Variants in MDM1 observed in about 807,000 individuals in gnomAD.
The protein encoded by MDM1 is stabilizer of axonemal microtubules 6, also known as Mdm1 nuclear protein.
MDM1 carries 61 observed loss-of-function variants against 89.1 expected under a neutral mutation model. The observed-to-expected ratio is 0.68, with a 90% CI of 0.56 to 0.85. The LOEUF (loss-of-function observed/expected upper bound fraction) is 0.85. Ranked by LOEUF, MDM1 falls within the 40% of genes least tolerant of loss-of-function variation. The pLI is 0.00. For missense variants in MDM1, 820 were observed against 846.5 expected (o/e 0.97, Z 0.39); for synonymous variants, 290 against 294.1 (o/e 0.99, Z 0.14).
At position 68,295,245 on chromosome 12, in the gene MDM1, C is replaced by T; in HGVS notation, c.*9G>A. ...AATGTTTCCTTAGATAAAGGCAACT[C>T]AGCTAGGTTTATGTTTTACCCCAGA... On this transcript the variant is annotated 3_prime_UTR_variant, in exon 15 of 15. Coordinates refer to ENST00000682720, the MANE Select transcript of MDM1 (RefSeq NM_001354969.2). The T allele has an allele frequency of 6.3e-7, 1 of 1,589,050 alleles. No homozygotes were observed. The highest frequency in any genetic ancestry group is 8.6e-7 in the Non-Finnish European group (1 of 1,161,768).
At position 68,294,836 on chromosome 12, in the gene MDM1, A is replaced by G. The variant is rs1473408429; in HGVS notation, c.*418T>C. 1 of 153,018 alleles carries G rather than the reference A, an allele frequency of 6.5e-6. No individual in the cohort carries two copies. The highest frequency in any genetic ancestry group is 2.4e-5 in the African/African-American group (1 of 41,486). 9.5% of individuals were successfully genotyped at this position (153,018 alleles called of 1,614,324 possible). A position where few individuals can be genotyped will look rare whatever the true frequency, so the allele number is the denominator to read the frequency against. ...AAAATAAAAAGAAACACTACAGCAA[A>G]GGTTAAAGGAACAACAAATTCATTT... On this transcript the variant is annotated 3_prime_UTR_variant, in exon 15 of 15. Transcript: ENST00000682720.
chr12:68,328,156 A>G (rs183531269), intron 2 of MDM1, among the ~76,000 whole-genome samples: 110 of 152,344 alleles, frequency 7.2e-4, no homozygotes, highest in African/African-American at 2.5e-3. Context: ...CAAAGGGACA[A>G]TTCAAGAAAG....
chr12:68,319,391 T>A (rs2121049270), intron 7 of MDM1, among the ~76,000 whole-genome samples: 1 of 152,298 alleles, frequency 6.6e-6, no homozygotes, highest in African/African-American at 2.4e-5. Flanking sequence ...ATATATGGAC[T>A]CGAAAACTAA....
intron 4 of MDM1, 34 bp downstream of exon 4, chr12:68,325,407 G>C (rs761211391): frequency 6.9e-7 from 1 of 1,454,310 alleles, no homozygotes. Flanking sequence ...ATAAGATAAT[G>C]GTACTCAGAA....
intron 3 of MDM1, 135 bp from the exon 4 acceptor site, chr12:68,325,710 C>A: frequency 7.5e-7 from 1 of 1,330,202 alleles, no homozygotes; most frequent in Non-Finnish European, 9.7e-7. Context: ...AAATTGTTAA[C>A]TACATGCGCA....
rs190128615 is a variant in MDM1 at position 68,326,277 on chromosome 12, C to T, written c.498+380G>A. The T allele has an allele frequency of 2.1e-4, 259 of 1,234,346 alleles. No homozygotes were observed. In the East Asian group the frequency reaches 5.6e-3, roughly 27 times the overall value. The allele number at this position is 1,234,346 out of a possible 1,614,324, so 76.5% of individuals were successfully genotyped here. On this transcript the variant is annotated intron_variant, in intron 3 of 14. Coordinates refer to ENST00000682720, the MANE Select transcript of MDM1 (RefSeq NM_001354969.2). ...GAATTTCTGTTTGTCTTCTTGTACA[C>T]GATAAGAAACTGAAAAGGGGCTAGG...
chr12:68,297,032 G>A (rs933227740), intron 13 of MDM1, 50 bp from the exon 14 acceptor site: 2 of 1,385,120 alleles, frequency 1.4e-6, no homozygotes, highest in South Asian at 2.7e-5. Context: ...CCACTGAACA[G>A]CTTATCTCAA....
At position 68,326,813 on chromosome 12, in the gene MDM1, C is replaced by T. The variant is rs771303805; in HGVS notation, c.342G>A (p.Arg114=). 10 of 1,613,654 alleles carry T rather than the reference C, an allele frequency of 6.2e-6. No individual in the cohort carries two copies. Among genetic ancestry groups the T allele is most frequent in the East Asian group, 2.2e-5 (1 of 44,870 alleles). Residue 114 remains arginine, a synonymous_variant, in exon 3 of 15, where the codon AGG becomes AGA. Transcript: ENST00000682720. ...QERVHSLEAS[R]VPKRTRSHSA... is the part of the protein sequence containing the mutation. ...AGTGAGATCTGGTTCTTTTGGGAAC[C>T]CTGGAAGCTTCTAGTGAGTGAACTC... is the stretch of plus-strand genomic sequence containing the variant.
intron 12 of MDM1, among the ~76,000 whole-genome samples, chr12:68,305,004 C>A (rs181698745): frequency 2.6e-5 from 4 of 152,192 alleles, no homozygotes; most frequent in Non-Finnish European, 4.4e-5. Context: ...TGTCTACCTT[C>A]ATCAGGAATA....
intron 10 of MDM1, among the ~76,000 whole-genome samples, chr12:68,314,587 T>C (rs1874200161): frequency 6.6e-6 from 1 of 152,262 alleles, no homozygotes; most frequent in East Asian, 1.9e-4. Context: ...TAAAACATTA[T>C]CTTTTTTGGT....
At chr12:68,320,789 A>G (rs1271681230) in intron 7 of MDM1, among the ~76,000 whole-genome samples, 8 of 152,234 alleles carry the variant, frequency 5.3e-5, no homozygotes, top group Non-Finnish European at 7.3e-5. Context: ...TCCTTTGAGT[A>G]TAAGAAGCTA....
intron 4 of MDM1, among the ~76,000 whole-genome samples, chr12:68,324,505 C>A (rs1875678186): frequency 6.6e-6 from 1 of 152,020 alleles, no homozygotes; most frequent in Admixed American, 6.6e-5. Context: ...CCCAAAGCTG[C>A]CACAATTTAT....
intron 12 of MDM1, among the ~76,000 whole-genome samples, chr12:68,306,424 G>A (rs566458692): frequency 1.3e-5 from 2 of 152,082 alleles, no homozygotes; most frequent in Non-Finnish European, 2.9e-5. Flanking sequence ...TGGGACTTTT[G>A]CACAGCAAAA....
At chr12:68,317,006 A>T (rs892242078) in intron 7 of MDM1, among the ~76,000 whole-genome samples, 12 of 152,170 alleles carry the variant, frequency 7.9e-5, no homozygotes, top group African/African-American at 2.9e-4. Flanking sequence ...AAATTCCTCA[A>T]TATTCCCTTG....
At chr12:68,299,179 T>C (rs1431233339) in intron 13 of MDM1, among the ~76,000 whole-genome samples, 1 of 151,670 alleles carries the variant, frequency 6.6e-6, no homozygotes, top group African/African-American at 2.4e-5. Flanking sequence ...ATTAGAATAG[T>C]CTACCCAAAA....
intron 12 of MDM1, among the ~76,000 whole-genome samples, chr12:68,304,392 T>C (rs972769596): frequency 5.9e-5 from 9 of 152,234 alleles, no homozygotes; most frequent in African/African-American, 1.2e-4. Flanking sequence ...ATTCAAAACA[T>C]TGCTTTCTAA....
intron 4 of MDM1, chr12:68,323,497 C>G (rs1432333001): frequency 3.6e-6 from 1 of 275,390 alleles, no homozygotes; most frequent in Non-Finnish European, 6.7e-6. Flanking sequence ...TTTCATATGA[C>G]ATAGACATTA....
chr12:68,300,797 C>T (rs983421922), intron 13 of MDM1, among the ~76,000 whole-genome samples: 1 of 152,144 alleles, frequency 6.6e-6, no homozygotes, highest in African/African-American at 2.4e-5. Flanking sequence ...TTAAACAATA[C>T]TCTAGAACAA....
At chr12:68,320,743 C>T (rs914378960) in intron 7 of MDM1, among the ~76,000 whole-genome samples, 1 of 152,172 alleles carries the variant, frequency 6.6e-6, no homozygotes, top group Non-Finnish European at 1.5e-5. Flanking sequence ...TTGAAAGATG[C>T]TAATTAATAC....
Sources: gnomAD v4.1 joint callset for allele counts (sites outside exome capture counted in the v4.1 genomes callset) on GRCh38, gnomAD v4.1.1 for gene constraint, MANE v1.5 for transcripts, NCBI Gene and HGNC (gene_info 2026-07-23, HGNC 2026-07-21) for gene names.